Variants in EDIL3 observed in about 807,000 individuals in gnomAD.
EDIL3 encodes the protein EGF like and discoidin domains 3, also known as EGF-like repeat and discoidin I-like domain-containing protein 3.
EDIL3 carries 37 observed loss-of-function variants against 67.4 expected under a neutral mutation model. The observed-to-expected ratio is 0.55, with a 90% CI of 0.42 to 0.72. The LOEUF is 0.72. Among genes scored for constraint, EDIL3 ranks in the 30% least tolerant of loss-of-function variants. The probability of loss-of-function intolerance (pLI) is 0.00; values close to 1 mark genes in which losing one functional copy is unlikely to be tolerated. For missense variants in EDIL3, 527 were observed against 586.3 expected (o/e 0.90, Z 1.04); for synonymous variants, 195 against 196.3 (o/e 0.99, Z 0.05).
At chr5:84,251,411 G>A (rs1040446700) in intron 2 of EDIL3, among the ~76,000 whole-genome samples, 3 of 150,968 alleles carry the variant, frequency 2.0e-5, no homozygotes, top group Non-Finnish European at 4.4e-5. Context: ...CACCACGCCC[G>A]GCCTTTTTTT....
chr5:83,960,750 T>G (rs920480675), intron 10 of EDIL3, among the ~76,000 whole-genome samples: 3 of 150,738 alleles, frequency 2.0e-5, no homozygotes, highest in Non-Finnish European at 4.5e-5. Flanking sequence ...ATAAACACGA[T>G]TAAAATGGAA....
intron 9 of EDIL3, among the ~76,000 whole-genome samples, chr5:83,982,426 C>T (rs1290894531): frequency 1.3e-5 from 2 of 151,956 alleles, no homozygotes; most frequent in Non-Finnish European, 2.9e-5. Flanking sequence ...TCAATTATTC[C>T]ATGGCAAATC....
At chr5:84,024,548 TGA>T (rs914363273) in intron 9 of EDIL3, among the ~76,000 whole-genome samples, 1 of 151,926 alleles carries the variant, frequency 6.6e-6, no homozygotes, top group Non-Finnish European at 1.5e-5. Flanking sequence ...ACAGTAAGGG[TGA>T]CATGGTATAA....
chr5:84,265,824 T>C lies in EDIL3; in HGVS notation c.68-11612A>G, dbSNP rs571824900. Among the ~76,000 whole-genome samples the C allele has an allele frequency of 2.8e-4, 43 of 152,326 alleles. No homozygotes were observed. The Middle Eastern group carries it at 0.014, about 48-fold the overall frequency. On this transcript the variant is annotated intron_variant, in intron 1 of 10. Transcript: ENST00000296591. ...ATGGCCAATGCGTTTCCTTAATGTA[T>C]GGGAGTTCTTGACAAGGAAAGACAA...
chr5:84,343,264 A>G (rs76928287), intron 1 of EDIL3, among the ~76,000 whole-genome samples: 2 of 151,918 alleles, frequency 1.3e-5, no homozygotes, highest in African/African-American at 4.8e-5. Flanking sequence ...GCAATTTGAA[A>G]TTATTTGTTT....
intron 9 of EDIL3, among the ~76,000 whole-genome samples, chr5:84,058,932 A>T (rs1472164465): frequency 6.6e-6 from 1 of 152,058 alleles, no homozygotes; most frequent in Non-Finnish European, 1.5e-5. Flanking sequence ...CTTATCTTCA[A>T]AAAGTTCATA....
intron 9 of EDIL3, among the ~76,000 whole-genome samples, chr5:84,050,746 G>A (rs767966126): frequency 6.6e-6 from 1 of 152,192 alleles, no homozygotes; most frequent in Non-Finnish European, 1.5e-5. Context: ...CAAACTGCAA[G>A]GCAGCAGTGA....
intron 1 of EDIL3, 56 bp from the exon 2 acceptor site, chr5:84,254,268 A>C: frequency 6.4e-7 from 1 of 1,556,162 alleles, no homozygotes; most frequent in Non-Finnish European, 8.7e-7. Flanking sequence ...GGACATTGAA[A>C]CATACTAGTT....
rs1580321660 is a variant in EDIL3, at chr5:84,089,761, GAT to G, written c.651+16886_651+16887del. Among the ~76,000 whole-genome samples the G allele has an allele frequency of 2.0e-5, 3 of 152,054 alleles. No individual in the cohort carries two copies. In the East Asian group the frequency reaches 5.8e-4, roughly 29 times the overall value. On this transcript the variant is annotated intron_variant, in intron 6 of 10. Coordinates refer to ENST00000296591, the MANE Select transcript of EDIL3 (RefSeq NM_005711.5). ...CTTTTATCCTCCTATTACCCCTACA[GAT>G]ATGCAACTCTTCACTATAATAAGAC... is the stretch of plus-strand genomic sequence containing the variant.
At chr5:84,326,046 G>A (rs770758258) in intron 1 of EDIL3, among the ~76,000 whole-genome samples, 32 of 152,046 alleles carry the variant, frequency 2.1e-4, no homozygotes, top group Non-Finnish European at 4.6e-4. Context: ...CCAGGGCTCT[G>A]CCTGCATGAA....
intron 1 of EDIL3, among the ~76,000 whole-genome samples, chr5:84,328,970 T>C (rs189716432): frequency 6.6e-6 from 1 of 152,152 alleles, no homozygotes; most frequent in Admixed American, 6.5e-5. Flanking sequence ...ACCATCAGTC[T>C]TACCAAGGCT....
chr5:83,990,479 C>G (rs1280136700), intron 9 of EDIL3, among the ~76,000 whole-genome samples: 3 of 131,260 alleles, frequency 2.3e-5, no homozygotes, highest in African/African-American at 8.4e-5. Flanking sequence ...GAGTGAGACT[C>G]CATCACAAAA....
At chr5:84,020,478 C>T (rs931342571) in intron 9 of EDIL3, among the ~76,000 whole-genome samples, 3 of 152,004 alleles carry the variant, frequency 2.0e-5, no homozygotes, top group Admixed American at 6.6e-5. Context: ...GATTTCTAAT[C>T]AAGGGAACAC....
chr5:84,034,367 G>T (rs983583793), intron 9 of EDIL3, among the ~76,000 whole-genome samples: 51 of 152,172 alleles, frequency 3.4e-4, no homozygotes, highest in Non-Finnish European at 4.3e-4. Flanking sequence ...TGCTGTGTGT[G>T]ATTTTTTTTT....
intron 1 of EDIL3, among the ~76,000 whole-genome samples, chr5:84,256,504 A>G (rs1745127171): frequency 6.6e-6 from 1 of 152,158 alleles, no homozygotes; most frequent in African/African-American, 2.4e-5. Context: ...ACACACTTAA[A>G]GGAAAAAGGT....
intron 9 of EDIL3, among the ~76,000 whole-genome samples, chr5:84,051,828 T>C (rs533857070): frequency 1.3e-5 from 2 of 152,210 alleles, no homozygotes; most frequent in Admixed American, 6.5e-5. Flanking sequence ...CAAATCTACG[T>C]CTGATTGGTG....
intron 1 of EDIL3, among the ~76,000 whole-genome samples, chr5:84,273,517 A>G (rs189903205): frequency 4.5e-4 from 69 of 152,328 alleles, no homozygotes; most frequent in African/African-American, 1.6e-3. Flanking sequence ...TAGGCATTAA[A>G]GAAGTTAATA....
At chr5:84,298,612 C>T (rs753902770) in intron 1 of EDIL3, among the ~76,000 whole-genome samples, 2 of 152,150 alleles carry the variant, frequency 1.3e-5, no homozygotes, top group Non-Finnish European at 2.9e-5. Context: ...TGCACATGTA[C>T]CCTGAAACTT....
intron 9 of EDIL3, among the ~76,000 whole-genome samples, chr5:84,008,937 C>T (rs112545666): frequency 2.1e-4 from 32 of 152,208 alleles, no homozygotes; most frequent in African/African-American, 6.0e-4. Context: ...CTCAGCCTCC[C>T]GAGTAGCTGG....
Sources: allele counts gnomAD v4.1 joint callset (sites outside exome capture counted in the v4.1 genomes callset), GRCh38; gene constraint gnomAD v4.1.1; transcripts MANE v1.5; gene names NCBI Gene and HGNC (gene_info 2026-07-23, HGNC 2026-07-21).